DYNLT2B: variants seen among roughly 807,000 people sequenced by gnomAD.
The protein encoded by DYNLT2B is dynein light chain Tctex-type protein 2B.
A neutral mutation model predicts 19.5 loss-of-function variants in DYNLT2B; 14 were observed. The observed-to-expected ratio is 0.72, with a 90% confidence interval of 0.47 to 1.12. DYNLT2B has a LOEUF of 1.12. Among genes scored for constraint, DYNLT2B ranks in the 50% most tolerant of loss-of-function variants. The pLI, the probability that DYNLT2B is intolerant of heterozygous loss-of-function variation, is 0.00. For missense variants in DYNLT2B, 133 were observed against 174.7 expected (o/e 0.76, Z 1.35); for synonymous variants, 70 against 59.7 (o/e 1.17, Z -0.79).
Position 196,296,025 on chromosome 3 carries a change from G to A in DYNLT2B, c.362C>T (p.Thr121Ile). Residue 121 changes from threonine to isoleucine, a missense_variant, in exon 4 of 5, where the codon ACT becomes ATT. Thr to Ile is a moderately conservative substitution (Grantham distance 89, BLOSUM62 -1). Coordinates refer to ENST00000325318, the MANE Select transcript of DYNLT2B (RefSeq NM_152773.5). The part of the protein sequence containing the change: ...CFWDADTDNY[T>I]HDVFMNDSLF... The stretch of plus-strand genomic sequence containing the variant: ...ACTTACATTCATGAAAACATCATGA[G>A]TATAGTTGTCAGTGTCAGCATCCCA... 1 of 1,613,696 alleles carries A rather than the reference G, an allele frequency of 6.2e-7. No homozygotes were observed. The highest frequency in any genetic ancestry group is 8.5e-7 in the Non-Finnish European group (1 of 1,179,776).
At chr3:196,309,186 C>T (rs755025566) in intron 2 of DYNLT2B, among the ~76,000 whole-genome samples, 12 of 152,198 alleles carry the variant, frequency 7.9e-5, no homozygotes, top group East Asian at 3.8e-4. Flanking sequence ...GAGGCTGAGG[C>T]GGGAGGATCT....
At chr3:196,299,241 C>A (rs1013669941) in intron 3 of DYNLT2B, among the ~76,000 whole-genome samples, 2 of 152,010 alleles carry the variant, frequency 1.3e-5, no homozygotes, top group African/African-American at 4.8e-5. Flanking sequence ...CCCACCACCA[C>A]GCCCGGCTAA....
At chr3:196,311,661 TTTTATTTA>T (rs148137456) in intron 2 of DYNLT2B, among the ~76,000 whole-genome samples, 18,472 of 147,556 alleles carry the variant, frequency 0.13, 1,269 homozygotes, top group South Asian at 0.2. Context: ...ATGAGGATTA[TTTTATTTA>T]TTTATTTATT....
At chr3:196,295,759 T>A (rs995191656) in intron 4 of DYNLT2B, among the ~76,000 whole-genome samples, 7 of 152,218 alleles carry the variant, frequency 4.6e-5, no homozygotes, top group African/African-American at 1.2e-4. Context: ...CTAAATAATA[T>A]GCTATTCAGA....
chr3:196,297,538 AAATAAT>A lies in DYNLT2B; in HGVS notation c.318-1475_318-1470del, dbSNP rs150451802. Reference sequence around the variant, plus strand: ...AGACTCTGTCTCAAAAACTAATAATAAATAATAATAATAAGTGAAAAAAAAATTACA... The same window carrying A: ...AGACTCTGTCTCAAAAACTAATAATAAATAATAAGTGAAAAAAAAATTACA... On this transcript the variant is annotated intron_variant, in intron 3 of 4. Transcript: ENST00000325318. Among the ~76,000 whole-genome samples, 193 of 151,818 alleles carry A rather than the reference AAATAAT, an allele frequency of 1.3e-3. 1 individual carries two copies. Among genetic ancestry groups the A allele is most frequent in the African/African-American group, 4.4e-3 (183 of 41,512 alleles).
In DYNLT2B at chr3:196,291,284, T is replaced by A. The variant is rs201320570; in HGVS notation, c.*43A>T. The A allele has an allele frequency of 4.5e-4, 711 of 1,564,740 alleles. 2 individuals are homozygous for A. Among genetic ancestry groups the A allele is most frequent in the Non-Finnish European group, 5.4e-4 (624 of 1,154,508 alleles). On this transcript the variant is annotated 3_prime_UTR_variant, in exon 5 of 5. Transcript: ENST00000325318. ...ATTTAACAATATTAAAAAGTTCAGA[T>A]TTCTTCATGGTCATGTCTTTTACCA...
chr3:196,314,289 T>C (rs1452695052), intron 2 of DYNLT2B, among the ~76,000 whole-genome samples: 1 of 151,716 alleles, frequency 6.6e-6, no homozygotes, highest in Non-Finnish European at 1.5e-5. Context: ...GCAGATCTCT[T>C]GAGGGTCAGG....
At chr3:196,301,326 A>G (rs1726347806) in intron 3 of DYNLT2B, among the ~76,000 whole-genome samples, 1 of 152,194 alleles carries the variant, frequency 6.6e-6, no homozygotes, top group Non-Finnish European at 1.5e-5. Flanking sequence ...GCATGCCAAG[A>G]GACAAAGCCA....
chr3:196,306,652 G>A (rs905304303), intron 3 of DYNLT2B, among the ~76,000 whole-genome samples: 2 of 152,078 alleles, frequency 1.3e-5, no homozygotes, highest in African/African-American at 4.8e-5. Context: ...GCGTTGAAGT[G>A]ATTCTCCTGC....
intron 3 of DYNLT2B, among the ~76,000 whole-genome samples, chr3:196,302,052 A>G: frequency 6.6e-6 from 1 of 152,120 alleles, no homozygotes; most frequent in East Asian, 1.9e-4. Context: ...GGTTGCGATG[A>G]GTCGAGATCA....
chr3:196,308,860 T>C, intron 2 of DYNLT2B, among the ~76,000 whole-genome samples: 1 of 151,772 alleles, frequency 6.6e-6, no homozygotes, highest in Admixed American at 6.6e-5. Flanking sequence ...AGCCCTTAAA[T>C]CACGGTTCTG....
At position 196,318,160 on chromosome 3, in the gene DYNLT2B, C is replaced by T. The variant is rs771939405; in HGVS notation, c.-8G>A. 2 of 1,494,502 alleles carry T rather than the reference C, an allele frequency of 1.3e-6. No homozygotes were observed. Among genetic ancestry groups the T allele is most frequent in the Non-Finnish European group, 1.8e-6 (2 of 1,123,828 alleles). 92.6% of individuals were successfully genotyped at this position (1,494,502 alleles called of 1,614,324 possible). A position where few individuals can be genotyped will look rare whatever the true frequency, so the allele number is the denominator to read the frequency against. On this transcript the variant is annotated 5_prime_UTR_variant, in exon 1 of 5. Transcript: ENST00000325318. ...TCCGATGGACGTGGCCATGCCGGGG[C>T]TTCTCGGTCCGGGCGTAGCTCGCGA...
At chr3:196,311,656 G>A (rs969331084) in intron 2 of DYNLT2B, among the ~76,000 whole-genome samples, 2 of 140,740 alleles carry the variant, frequency 1.4e-5, no homozygotes, top group Admixed American at 1.5e-4. Context: ...TGAAGATGAG[G>A]ATTATTTTAT....
chr3:196,302,398 G>C (rs914207417), intron 3 of DYNLT2B, among the ~76,000 whole-genome samples: 2 of 152,156 alleles, frequency 1.3e-5, no homozygotes, highest in African/African-American at 4.8e-5. Flanking sequence ...GCTTCTGATA[G>C]TGCTGGAAAG....
intron 2 of DYNLT2B, among the ~76,000 whole-genome samples, chr3:196,314,736 C>G (rs892920258): frequency 5.3e-5 from 8 of 151,146 alleles, no homozygotes; most frequent in Non-Finnish European, 1.0e-4. Flanking sequence ...ATGGGAGGAT[C>G]GCTTGAGCCA....
intron 4 of DYNLT2B, among the ~76,000 whole-genome samples, chr3:196,293,074 G>C (rs1246545916): frequency 6.6e-6 from 1 of 152,032 alleles, no homozygotes; most frequent in Non-Finnish European, 1.5e-5. Context: ...GGCTGGTCTT[G>C]AACTCCTGAC....
intron 2 of DYNLT2B, among the ~76,000 whole-genome samples, chr3:196,307,378 C>T (rs569013814): frequency 2.8e-4 from 43 of 152,160 alleles, no homozygotes; most frequent in African/African-American, 6.7e-4. Context: ...CTCAGCTCAC[C>T]GGCAACCTCT....
At chr3:196,291,986 T>C (rs1726106424) in intron 4 of DYNLT2B, among the ~76,000 whole-genome samples, 1 of 152,248 alleles carries the variant, frequency 6.6e-6, no homozygotes, top group Non-Finnish European at 1.5e-5. Flanking sequence ...ATTATTCACA[T>C]ATTTCCTGAT....
chr3:196,314,164 T>C (rs1486693542), intron 2 of DYNLT2B, among the ~76,000 whole-genome samples: 2 of 151,732 alleles, frequency 1.3e-5, no homozygotes, highest in Non-Finnish European at 2.9e-5. Context: ...TGTATTACTT[T>C]TATGAAGATA....
Sources: allele counts gnomAD v4.1 joint callset (sites outside exome capture counted in the v4.1 genomes callset), GRCh38; gene constraint gnomAD v4.1.1; transcripts MANE v1.5; gene names NCBI Gene and HGNC (gene_info 2026-07-23, HGNC 2026-07-21).